Variants in GSN observed in about 807,000 individuals in gnomAD.
GSN encodes gelsolin.
GSN carries 56 observed loss-of-function variants against 85.7 expected under a neutral mutation model. The ratio of observed to expected loss-of-function variants is 0.65; its 90% CI spans 0.53 to 0.82. The LOEUF (loss-of-function observed/expected upper bound fraction) is 0.82. Among genes scored for constraint, GSN ranks in the 40% least tolerant of loss-of-function variants. GSN has a pLI of 0.00. For synonymous variants in GSN, 373 were observed against 399.1 expected (o/e 0.93, Z 0.78); for missense variants, 857 against 979.8 (o/e 0.87, Z 1.67).
At chr9:121,325,116 A>G (rs1465238713) in intron 12 of GSN, among the ~76,000 whole-genome samples, 3 of 152,200 alleles carry the variant, frequency 2.0e-5, no homozygotes, top group African/African-American at 7.2e-5. Flanking sequence ...AATAGGGGTA[A>G]TAACAGTACC....
In GSN at chr9:121,329,159, A is replaced by C. The variant is rs2063602492; in HGVS notation, c.1888-79A>C. 3 of 1,456,806 alleles carry C rather than the reference A, an allele frequency of 2.1e-6. No homozygotes were observed. The allele number at this position is 1,456,806 out of a possible 1,614,324, so 90.2% of individuals were successfully genotyped here. A position where few individuals can be genotyped will look rare whatever the true frequency, so the allele number is the denominator to read the frequency against. On this transcript the variant is annotated intron_variant, in intron 15 of 17. Transcript: ENST00000432226. The surrounding 1 kb of genome is among the most constrained non-coding windows in gnomAD (Gnocchi z 4.6). ...CCTGCCAGCTGCAGCCAGCTGTGCCACTCCCTCAGGGGGCAGATAAAGGAA... is the reference window on the plus strand; with the variant it reads ...CCTGCCAGCTGCAGCCAGCTGTGCCCCTCCCTCAGGGGGCAGATAAAGGAA...
chr9:121,230,649 C>T (rs937093672), intron 4 of GSN, among the ~76,000 whole-genome samples: 1 of 152,096 alleles, frequency 6.6e-6, no homozygotes. Flanking sequence ...AGACTTTTTC[C>T]ATCGGTAAAA....
intron 2 of GSN, chr9:121,283,653 CTTGAT>C (rs1260586962): frequency 1.8e-5 from 3 of 165,322 alleles, no homozygotes; most frequent in Non-Finnish European, 2.9e-5. Context: ...ACCTTCTTGT[CTTGAT>C]TTATGTATAT....
chr9:121,318,075 C>T lies in GSN; in HGVS notation c.887-331C>T, dbSNP rs183968868. Reference sequence around the variant, plus strand: ...TTTAATCTCTCTAAGACCCTAGCTTCCTTATAGATACTCAGAAAAAGATAA... The same window carrying T: ...TTTAATCTCTCTAAGACCCTAGCTTTCTTATAGATACTCAGAAAAAGATAA... On this transcript the variant is annotated intron_variant, in intron 8 of 17. Transcript: ENST00000432226. The surrounding 1 kb of genome is among the most constrained non-coding windows in gnomAD (Gnocchi z 4.3). Among the ~76,000 whole-genome samples the T allele has an allele frequency of 2.2e-4, 34 of 152,326 alleles. No individual in the cohort carries two copies. The highest frequency in any genetic ancestry group is 4.0e-4 in the Non-Finnish European group (27 of 68,018).
chr9:121,286,757 G>T lies in GSN; in HGVS notation c.-10+5195G>T, dbSNP rs1470870400. On this transcript the variant is annotated intron_variant, in intron 2 of 17. Coordinates refer to ENST00000432226, the MANE Select transcript of GSN (RefSeq NM_198252.3). ...TGAGAGCTGATCTTCATGCCACTGT[G>T]TACAGTAGGTATTTTTTAAAGGTGT... 7 of 1,534,792 alleles carry T rather than the reference G, an allele frequency of 4.6e-6. No individual in the cohort carries two copies. The African/African-American group carries it at 9.6e-5, about 21-fold the overall frequency.
chr9:121,229,276 A>G (rs2054339551), intron 4 of GSN, among the ~76,000 whole-genome samples: 1 of 152,228 alleles, frequency 6.6e-6, no homozygotes, highest in Non-Finnish European at 1.5e-5. Context: ...GCTGGAGTAC[A>G]GTGGCGCAGT....
In GSN at chr9:121,299,385, T is replaced by C. The variant is rs1378514434; in HGVS notation, c.-9-2578T>C. ...GCACCATTTACAAGCTGTGTGCAAG[T>C]TGCTTCACCACTCTGCGCTGTTCCC... On this transcript the variant is annotated intron_variant, in intron 2 of 17. Coordinates refer to ENST00000432226, the MANE Select transcript of GSN (RefSeq NM_198252.3). This position sits in a 1 kb window ranked among gnomAD's most constrained non-coding sequence, Gnocchi z 4.2. 1.0e-6 allele frequency: 1 copy of C among 972,486 alleles called. No homozygotes were observed. Among genetic ancestry groups the C allele is most frequent in the South Asian group, 4.8e-5 (1 of 21,042 alleles). The allele number at this position is 972,486 out of a possible 1,614,324, so 60.2% of individuals were successfully genotyped here.
At chr9:121,258,508 A>AT (rs1379849897) in intron 6 of GSN, among the ~76,000 whole-genome samples, 140 of 151,748 alleles carry the variant, frequency 9.2e-4, no homozygotes, top group African/African-American at 2.3e-3. Context: ...GTAGTTACTG[A>AT]TTTTTTTTTA....
chr9:121,264,105 G>T (rs1368605181), upstream of GSN, among the ~76,000 whole-genome samples: 2 of 152,080 alleles, frequency 1.3e-5, no homozygotes, highest in Admixed American at 6.5e-5. Flanking sequence ...AGTTTATATA[G>T]ATTGTTATTG....
intron 4 of GSN, among the ~76,000 whole-genome samples, chr9:121,212,072 C>T (rs1347904299): frequency 6.6e-6 from 1 of 152,164 alleles, no homozygotes; most frequent in Non-Finnish European, 1.5e-5. Flanking sequence ...TCAGTGACCA[C>T]CTTCCCGTTT....
chr9:121,299,936 C>T lies in GSN; in HGVS notation c.-9-2027C>T, dbSNP rs930789650. On this transcript the variant is annotated intron_variant, in intron 2 of 17. Transcript: ENST00000432226. The surrounding 1 kb of genome is among the most constrained non-coding windows in gnomAD (Gnocchi z 4.2). ...CGCTGTGCGCGCTGTCGCTGCCCGTCCGCGCGGCCACTGCGTCGCGGGGGG... is the reference window on the plus strand; with the variant it reads ...CGCTGTGCGCGCTGTCGCTGCCCGTTCGCGCGGCCACTGCGTCGCGGGGGG... The T allele has an allele frequency of 2.8e-5, 35 of 1,261,538 alleles. No homozygotes were observed. Among genetic ancestry groups the T allele is most frequent in the Non-Finnish European group, 3.4e-5 (34 of 1,001,992 alleles). 78.1% of individuals were successfully genotyped at this position (1,261,538 alleles called of 1,614,324 possible).
intron 2 of GSN, among the ~76,000 whole-genome samples, chr9:121,301,391 C>T (rs2059824165): frequency 6.6e-6 from 1 of 152,156 alleles, no homozygotes; most frequent in Non-Finnish European, 1.5e-5. Context: ...CTTTGGGAGG[C>T]CAAGGCAGGT....
chr9:121,226,924 T>A (rs981605457), intron 4 of GSN, among the ~76,000 whole-genome samples: 10 of 152,266 alleles, frequency 6.6e-5, no homozygotes, highest in Admixed American at 5.2e-4. Context: ...TCTATAAATA[T>A]CCCTGAAGTA....
At position 121,332,301 on chromosome 9, in the gene GSN, AG is replaced by A; in HGVS notation, c.2027-128del. ...TTTAAAGGAGGATGGTGCCCAGGGC[AG>A]GGGGTGGGCAGTAGGGACAGTAGGA... On this transcript the variant is annotated intron_variant, in intron 17 of 17. Coordinates refer to ENST00000432226, the MANE Select transcript of GSN (RefSeq NM_198252.3). The surrounding 1 kb of genome is among the most constrained non-coding windows in gnomAD (Gnocchi z 4.8). 2.4e-6 allele frequency: 2 copies of A among 839,026 alleles called. No homozygotes were observed. The highest frequency in any genetic ancestry group is 2.5e-5 in the East Asian group (1 of 40,792). The allele number at this position is 839,026 out of a possible 1,614,324, so 52.0% of individuals were successfully genotyped here. A position where few individuals can be genotyped will look rare whatever the true frequency, so the allele number is the denominator to read the frequency against.
intron 7 of GSN, among the ~76,000 whole-genome samples, chr9:121,316,700 G>A (rs150061514): frequency 1.6e-3 from 244 of 152,260 alleles, no homozygotes; most frequent in African/African-American, 5.6e-3. Flanking sequence ...TGAACTCCTG[G>A]GCTCAAGCCA....
chr9:121,212,901 G>A (rs2053993339), intron 4 of GSN, among the ~76,000 whole-genome samples: 2 of 151,882 alleles, frequency 1.3e-5, no homozygotes, highest in African/African-American at 2.4e-5. Flanking sequence ...CACCCACCTC[G>A]GCCTCCCAAA....
At chr9:121,317,245 A>T (rs779678421) in intron 8 of GSN, 27 bp downstream of exon 8, 34 of 1,612,962 alleles carry the variant, frequency 2.1e-5, no homozygotes, top group Admixed American at 3.3e-5. Flanking sequence ...AAGGGTCCCA[A>T]CTGGCCTGTA....
chr9:121,269,734 C>T (rs1433557491), intron 1 of GSN, among the ~76,000 whole-genome samples: 1 of 152,184 alleles, frequency 6.6e-6, no homozygotes, highest in Non-Finnish European at 1.5e-5. Flanking sequence ...AAGAAGGTTT[C>T]TGTGTGAATC....
intron 4 of GSN, among the ~76,000 whole-genome samples, chr9:121,219,209 T>C (rs1345382119): frequency 6.6e-6 from 1 of 152,056 alleles, no homozygotes; most frequent in Admixed American, 6.6e-5. Context: ...CCCGGTCTCC[T>C]GACTCAGTTC....
Sources: allele counts gnomAD v4.1 joint callset (sites outside exome capture counted in the v4.1 genomes callset), GRCh38; gene constraint gnomAD v4.1.1; non-coding constraint Gnocchi (gnomAD v3.1); transcripts MANE v1.5; gene names NCBI Gene and HGNC (gene_info 2026-07-23, HGNC 2026-07-21).